Variants in DOCK1 observed in about 807,000 individuals in gnomAD.
DOCK1 encodes the protein dedicator of cytokinesis protein 1.
DOCK1 carries 138 observed loss-of-function variants against 262.7 expected under a neutral mutation model. The ratio of observed to expected loss-of-function variants is 0.53; its 90% confidence interval spans 0.46 to 0.61. DOCK1 has a LOEUF of 0.61. DOCK1 is among the 20% of genes least tolerant of loss of function. DOCK1 has a pLI of 0.00. For synonymous variants in DOCK1, 866 were observed against 867.4 expected (o/e 1.00, Z 0.03); for missense variants, 1,908 against 2,370.7 (o/e 0.80, Z 4.05).
intron 29 of DOCK1, among the ~76,000 whole-genome samples, chr10:127,334,012 A>G (rs1397633547): frequency 6.6e-6 from 1 of 152,194 alleles, no homozygotes; most frequent in Non-Finnish European, 1.5e-5. Context: ...CGAAAACTTG[A>G]GCAACATTTT....
intron 25 of DOCK1, among the ~76,000 whole-genome samples, chr10:127,121,038 G>A (rs936997306): frequency 6.6e-5 from 10 of 152,062 alleles, no homozygotes; most frequent in African/African-American, 1.7e-4. Flanking sequence ...ACTCTTAAAC[G>A]CTCTAGATAC....
intron 27 of DOCK1, chr10:127,153,981 A>T: frequency 2.4e-6 from 3 of 1,250,980 alleles, no homozygotes; most frequent in Non-Finnish European, 3.5e-6. Context: ...CTGGCTTTAT[A>T]GAGCAGATGC....
intron 27 of DOCK1, among the ~76,000 whole-genome samples, chr10:127,206,355 G>A (rs1191908548): frequency 6.6e-6 from 1 of 152,034 alleles, no homozygotes; most frequent in Non-Finnish European, 1.5e-5. Flanking sequence ...TGTTGGCCAG[G>A]CTGGTCTCAA....
chr10:127,086,405 T>C (rs901050551), intron 23 of DOCK1, among the ~76,000 whole-genome samples: 1 of 152,210 alleles, frequency 6.6e-6, no homozygotes, highest in Admixed American at 6.5e-5. Flanking sequence ...GAAACCTCCA[T>C]GCTAGTTTGG....
At chr10:127,257,955 C>T (rs746931348) in intron 29 of DOCK1, among the ~76,000 whole-genome samples, 4 of 152,180 alleles carry the variant, frequency 2.6e-5, no homozygotes, top group Non-Finnish European at 4.4e-5. Flanking sequence ...TAAGCACTAA[C>T]AATGACCATA....
rs184094772 is a variant in DOCK1, at chr10:127,286,004, G to A, written c.3044+28575G>A. Among the ~76,000 whole-genome samples, 585 of 152,212 alleles carry A rather than the reference G, an allele frequency of 3.8e-3. 19 individuals carry two copies. Among genetic ancestry groups the A allele is most frequent in the Non-Finnish European group, 4.7e-4 (32 of 68,020 alleles). The stretch of plus-strand genomic sequence containing the variant: ...CAGGGCAAGTGTTTTCCTCTGGTTG[G>A]TGATGGTGTCCTAGCATGCCCTTTT... On this transcript the variant is annotated intron_variant, in intron 29 of 51. Coordinates refer to ENST00000623213, the MANE Select transcript of DOCK1 (RefSeq NM_001290223.2).
intron 27 of DOCK1, among the ~76,000 whole-genome samples, chr10:127,171,372 A>C (rs1319879989): frequency 6.6e-6 from 1 of 152,242 alleles, no homozygotes; most frequent in Non-Finnish European, 1.5e-5. Context: ...AACATGTTCT[A>C]AGAAACATAC....
At position 127,260,990 on chromosome 10, in the gene DOCK1, C is replaced by T. The variant is rs575482707; in HGVS notation, c.3044+3561C>T. Among the ~76,000 whole-genome samples the T allele has an allele frequency of 3.3e-4, 15 of 45,370 alleles. 1 individual carries two copies. The highest frequency in any genetic ancestry group is 6.3e-4 in the Non-Finnish European group (14 of 22,228). The allele number at this position is 45,370 out of a possible 152,430, so 29.8% of individuals were successfully genotyped here. On this transcript the variant is annotated intron_variant, in intron 29 of 51. Transcript: ENST00000623213. ...GTGGGTGTGTGTGTGTGTACCCGTG[C>T]TCATGTGTGTGTACCTGCATGTGTG... is the stretch of plus-strand genomic sequence containing the variant.
intron 27 of DOCK1, among the ~76,000 whole-genome samples, chr10:127,132,518 T>G (rs1051292524): frequency 6.6e-6 from 1 of 152,210 alleles, no homozygotes; most frequent in African/African-American, 2.4e-5. Context: ...CAGGATTTAT[T>G]TCAGCCTTCC....
chr10:127,119,494 G>A (rs747837761), intron 25 of DOCK1, among the ~76,000 whole-genome samples: 1 of 152,182 alleles, frequency 6.6e-6, no homozygotes, highest in Non-Finnish European at 1.5e-5. Context: ...ACCGTCTTCT[G>A]TATTTCTGTT....
In DOCK1 at chr10:127,365,271, T is replaced by G. The variant is rs142127474; in HGVS notation, c.3432+3059T>G. Among the ~76,000 whole-genome samples, 532 of 152,358 alleles carry G rather than the reference T, an allele frequency of 3.5e-3. 4 individuals carry two copies. Among genetic ancestry groups the G allele is most frequent in the African/African-American group, 0.012 (507 of 41,586 alleles). ...GAATTTATTTTGAAAATTTTCCCAG[T>G]ATACATTCTTATAAATGTAATTACG... On this transcript the variant is annotated intron_variant, in intron 33 of 51. Coordinates refer to ENST00000623213, the MANE Select transcript of DOCK1 (RefSeq NM_001290223.2).
intron 49 of DOCK1, among the ~76,000 whole-genome samples, chr10:127,440,935 C>G (rs949218181): frequency 3.9e-5 from 6 of 152,246 alleles, no homozygotes; most frequent in Non-Finnish European, 7.3e-5. Context: ...AGATGCCCAC[C>G]ACCCCAGAGG....
chr10:127,426,115 G>A (rs1166380366), intron 47 of DOCK1, 104 bp downstream of exon 47: 30 of 1,548,208 alleles, frequency 1.9e-5, no homozygotes, highest in Admixed American at 1.1e-4. Flanking sequence ...ATGTACACAT[G>A]GTGCCCGCTT....
At chr10:127,282,219 TTC>T (rs547977341) in intron 29 of DOCK1, among the ~76,000 whole-genome samples, 30 of 148,466 alleles carry the variant, frequency 2.0e-4, no homozygotes, top group Non-Finnish European at 1.9e-4. Context: ...CTCTCTCTCT[TTC>T]TCTCTCTCTC....
chr10:127,120,194 G>C (rs2133007547), intron 25 of DOCK1, among the ~76,000 whole-genome samples: 1 of 152,334 alleles, frequency 6.6e-6, no homozygotes, highest in East Asian at 1.9e-4. Context: ...GCACTGACAA[G>C]CACTGGCGGT....
chr10:127,122,182 C>T (rs2049631585), intron 25 of DOCK1, among the ~76,000 whole-genome samples: 1 of 152,176 alleles, frequency 6.6e-6, no homozygotes, highest in African/African-American at 2.4e-5. Context: ...TTCGGTCCTC[C>T]CACCCTCTCC....
At chr10:127,432,415 G>C (rs1353122916) in intron 47 of DOCK1, among the ~76,000 whole-genome samples, 1 of 151,956 alleles carries the variant, frequency 6.6e-6, no homozygotes, top group Non-Finnish European at 1.5e-5. Context: ...TGAATGAGAT[G>C]GGCGGGGTGG....
chr10:127,193,694 C>A (rs2056905046), intron 27 of DOCK1, among the ~76,000 whole-genome samples: 1 of 152,160 alleles, frequency 6.6e-6, no homozygotes, highest in Non-Finnish European at 1.5e-5. Context: ...AGGAGTCTTC[C>A]TTGTAGATGA....
In DOCK1 at chr10:127,196,831, G is replaced by A. The variant is rs555614529; in HGVS notation, c.2848-51177G>A. On this transcript the variant is annotated intron_variant, in intron 27 of 51. Coordinates refer to ENST00000623213, the MANE Select transcript of DOCK1 (RefSeq NM_001290223.2). ...TCCGGGTTTCTGGGCTGCAGGCGGC[G>A]CTGCATGGCCCGGGAACTTGTTGAG... Among the ~76,000 whole-genome samples the A allele has an allele frequency of 1.2e-3, 186 of 152,098 alleles. 3 individuals carry two copies. Among genetic ancestry groups the A allele is most frequent in the Non-Finnish European group, 5.0e-4 (34 of 67,960 alleles).
Sources: allele counts gnomAD v4.1 joint callset (sites outside exome capture counted in the v4.1 genomes callset), GRCh38; gene constraint gnomAD v4.1.1; transcripts MANE v1.5; gene names NCBI Gene and HGNC (gene_info 2026-07-23, HGNC 2026-07-21).